Variants in CCDC40 observed in about 807,000 individuals in gnomAD.
CCDC40 encodes coiled-coil domain 40 molecular ruler complex subunit, also known as coiled-coil domain-containing protein 40.
In CCDC40, 104 loss-of-function variants were observed where a neutral mutation model predicts 124.5. The observed-to-expected ratio is 0.84, with a 90% CI of 0.71 to 0.98. CCDC40 has a LOEUF of 0.98. Among genes scored for constraint, CCDC40 ranks in the 50% least tolerant of loss-of-function variants. The pLI is 0.00. For synonymous variants in CCDC40, 580 were observed against 602.9 expected, an observed-to-expected ratio of 0.96 and a Z score of 0.56; for missense variants, 1,463 against 1,503.9, an observed-to-expected ratio of 0.97 and a Z score of 0.45.
intron 10 of CCDC40, among the ~76,000 whole-genome samples, chr17:80,081,209 C>G (rs1179230946): frequency 6.6e-6 from 1 of 151,926 alleles, no homozygotes. Context: ...ACGGTGAAAC[C>G]CCATCTCTAC....
intron 7 of CCDC40, among the ~76,000 whole-genome samples, chr17:80,051,684 A>G (rs2037601513): frequency 6.6e-6 from 1 of 151,818 alleles, no homozygotes; most frequent in Admixed American, 6.6e-5. Flanking sequence ...AGTTAGCATC[A>G]AATGAACAGA....
intron 18 of CCDC40, among the ~76,000 whole-genome samples, chr17:80,095,921 G>A (rs914909827): frequency 2.0e-5 from 3 of 152,226 alleles, no homozygotes; most frequent in African/African-American, 4.8e-5. Flanking sequence ...CGGGGTGGGC[G>A]CCTCGAGAGC....
intron 18 of CCDC40, among the ~76,000 whole-genome samples, chr17:80,096,032 C>T (rs2038804487): frequency 6.6e-6 from 1 of 152,260 alleles, no homozygotes; most frequent in Non-Finnish European, 1.5e-5. Flanking sequence ...CAGCCAGGGG[C>T]CCTGCACTCA....
intron 2 of CCDC40, among the ~76,000 whole-genome samples, chr17:80,038,527 C>T (rs1324023448): frequency 2.7e-5 from 4 of 149,474 alleles, no homozygotes; most frequent in Non-Finnish European, 5.9e-5. Flanking sequence ...GAAACTCTAT[C>T]TCAAAAATAA....
intron 7 of CCDC40, among the ~76,000 whole-genome samples, chr17:80,055,135 G>A (rs1420024600): frequency 3.3e-5 from 5 of 152,212 alleles, no homozygotes; most frequent in African/African-American, 7.2e-5. Flanking sequence ...ACAAGAAAAT[G>A]TTACCCAGTG....
chr17:80,093,440 C>T (rs1248614260), intron 17 of CCDC40, among the ~76,000 whole-genome samples: 1 of 152,136 alleles, frequency 6.6e-6, no homozygotes, highest in Non-Finnish European at 1.5e-5. Context: ...GCCTCGGCCT[C>T]CCAAAGTGCT....
intron 2 of CCDC40, among the ~76,000 whole-genome samples, chr17:80,039,475 G>A (rs1398821426): frequency 6.6e-6 from 1 of 150,706 alleles, no homozygotes; most frequent in Non-Finnish European, 1.5e-5. Flanking sequence ...TCAGTGGCAC[G>A]ATCTCAGCTC....
Position 80,081,539 on chromosome 17 carries a change from T to C in CCDC40, c.1563-7T>C, listed in dbSNP as rs760610292. 6.2e-7 allele frequency: 1 copy of C among 1,613,418 alleles called. No homozygotes were observed. Among genetic ancestry groups the C allele is most frequent in the Non-Finnish European group, 8.5e-7 (1 of 1,180,042 alleles). On this transcript the variant is annotated splice_polypyrimidine_tract_variant and splice_region_variant and intron_variant, in intron 10 of 19. Coordinates refer to ENST00000397545, the MANE Select transcript of CCDC40 (RefSeq NM_017950.4). ...CGTAACTGGCTCTCCCCGCTGCATT[T>C]CTACAGAGGATGCCAGCATCAAGCC...
chr17:80,039,046 G>A (rs2037202915), intron 2 of CCDC40, among the ~76,000 whole-genome samples: 2 of 151,814 alleles, frequency 1.3e-5, no homozygotes, highest in South Asian at 2.1e-4. Flanking sequence ...CTCATTTCCT[G>A]TAACAAAGGA....
chr17:80,081,516 T>A (rs745789752), intron 10 of CCDC40, 30 bp from the exon 11 acceptor site: 3 of 1,613,018 alleles, frequency 1.9e-6, no homozygotes, highest in Non-Finnish European at 2.5e-6. Context: ...GTCTCACACG[T>A]AACTGGCTCT....
chr17:80,051,591 T>C (rs2037592351), intron 7 of CCDC40, among the ~76,000 whole-genome samples: 1 of 123,946 alleles, frequency 8.1e-6, no homozygotes, highest in Non-Finnish European at 1.6e-5. Flanking sequence ...ATCCCGCCAC[T>C]GCACTCCAGC....
intron 7 of CCDC40, among the ~76,000 whole-genome samples, chr17:80,056,910 G>T (rs933820211): frequency 6.6e-6 from 1 of 151,096 alleles, no homozygotes; most frequent in Non-Finnish European, 1.5e-5. Context: ...GCGTGGTGGC[G>T]GGCACCTGTG....
chr17:80,056,016 A>ATATTTTTTTTTTTT (rs71163913), intron 7 of CCDC40, among the ~76,000 whole-genome samples: 6 of 10,248 alleles, frequency 5.9e-4, no homozygotes, highest in East Asian at 4.2e-3. Flanking sequence ...ATATATATAT[A>ATATTTTTTTTTTTT]TTTTTTTTTT....
chr17:80,051,454 C>T, intron 7 of CCDC40: 1 of 169,882 alleles, frequency 5.9e-6, no homozygotes, highest in Non-Finnish European at 1.2e-5. Context: ...ACGGTGAAAC[C>T]CCGTCTCTAC....
chr17:80,078,981 TG>T (rs1202412860), intron 10 of CCDC40, among the ~76,000 whole-genome samples: 1 of 150,154 alleles, frequency 6.7e-6, no homozygotes, highest in Non-Finnish European at 1.5e-5. Flanking sequence ...TCACCTGGGC[TG>T]GAGTGCAGCG....
intron 10 of CCDC40, among the ~76,000 whole-genome samples, chr17:80,070,808 G>T (rs2038168223): frequency 6.6e-6 from 1 of 152,326 alleles, no homozygotes; most frequent in South Asian, 2.1e-4. Context: ...ACAGGGGCAT[G>T]GGTGAGGCCT....
chr17:80,088,474 A>C, intron 16 of CCDC40: 3 of 331,572 alleles, frequency 9.0e-6, no homozygotes, highest in South Asian at 2.4e-5. Flanking sequence ...CTGGTCTTGA[A>C]CTCCTGATCT....
chr17:80,080,676 C>T (rs1000894536), intron 10 of CCDC40, among the ~76,000 whole-genome samples: 3 of 152,138 alleles, frequency 2.0e-5, no homozygotes, highest in Admixed American at 2.0e-4. Flanking sequence ...AACCCCTAGC[C>T]CAACGTCTGA....
At chr17:80,095,939 C>T (rs1028554119) in intron 18 of CCDC40, among the ~76,000 whole-genome samples, 2 of 152,220 alleles carry the variant, frequency 1.3e-5, no homozygotes, top group African/African-American at 2.4e-5. Flanking sequence ...AGCCTGCATC[C>T]GCATACCCCA....
Sources: allele counts gnomAD v4.1 joint callset (sites outside exome capture counted in the v4.1 genomes callset), GRCh38; gene constraint gnomAD v4.1.1; transcripts MANE v1.5; gene names NCBI Gene and HGNC (gene_info 2026-07-23, HGNC 2026-07-21).